The following ANKRD55 variants were observed in gnomAD, a reference collection of about 807,000 sequenced individuals.
ANKRD55 encodes ankyrin repeat domain 55, also known as ankyrin repeat domain-containing protein 55.
Under a neutral mutation model 60.6 loss-of-function variants are expected in ANKRD55, and 41 were observed. The observed-to-expected ratio is 0.68, with a 90% CI of 0.53 to 0.88. The LOEUF is 0.88. Among genes scored for constraint, ANKRD55 ranks in the 40% least tolerant of loss-of-function variants. The pLI, the probability that ANKRD55 is intolerant of heterozygous loss-of-function variation, is 0.00. For missense variants in ANKRD55, 732 were observed against 767.6 expected, an observed-to-expected ratio of 0.95 and a Z score of 0.55; for synonymous variants, 264 against 290.3, an observed-to-expected ratio of 0.91 and a Z score of 0.92.
chr5:56,126,941 C>A lies in ANKRD55; in HGVS notation c.778G>T (p.Ala260Ser). 1 of 1,610,986 alleles carries A rather than the reference C, an allele frequency of 6.2e-7. No homozygotes were observed. Among genetic ancestry groups the A allele is most frequent in the Non-Finnish European group, 8.5e-7 (1 of 1,178,096 alleles). ...GGATACCTGTCATCCACATCCAGAG[C>A]CTGCAGGTTACACTCAGGGACTCTT... ...LARVPECNLQ[A>S]LDVDDRTPLH... The change falls in exon 8 of 12, where the codon GCT becomes TCT. Residue 260 changes from alanine (A) to serine (S), a missense_variant. By Grantham distance (99) the Ala-to-Ser change is moderately conservative. Around this residue, in one of 3 missense-constraint regions of ANKRD55, gnomAD observed 597 missense variants for 607.5 expected, o/e 0.98. Coordinates refer to ENST00000341048, the MANE Select transcript of ANKRD55 (RefSeq NM_024669.3).
intron 7 of ANKRD55, among the ~76,000 whole-genome samples, chr5:56,128,032 C>T (rs542944735): frequency 4.6e-5 from 7 of 152,216 alleles, no homozygotes; most frequent in Admixed American, 4.6e-4. Context: ...GCTTTCATGC[C>T]TTTATCAACT....
rs373265842 is a variant in ANKRD55, at chr5:56,135,578, AGGCTGGTCTTGAACTCCTG to A, written c.612+8204_612+8222del. On this transcript the variant is annotated intron_variant, in intron 7 of 11. Coordinates refer to ENST00000341048, the MANE Select transcript of ANKRD55 (RefSeq NM_024669.3). ...ACAGGCAGGTTTTTGCCATTTTGCCAGGCTGGTCTTGAACTCCTGGCCTCAAGCAATCTGCCTGCATCGG... is the reference window on the plus strand; with the variant it reads ...ACAGGCAGGTTTTTGCCATTTTGCCAGCCTCAAGCAATCTGCCTGCATCGG... 7.6e-3 allele frequency among the ~76,000 whole-genome samples: 1,159 copies of A among 152,024 alleles called. 13 individuals carry two copies. The highest frequency in any genetic ancestry group is 0.026 in the African/African-American group (1,060 of 41,436).
intron 2 of ANKRD55, among the ~76,000 whole-genome samples, chr5:56,199,740 A>T (rs1435899967): frequency 6.6e-6 from 1 of 151,782 alleles, no homozygotes; most frequent in Admixed American, 6.6e-5. Flanking sequence ...AGTACAAAAA[A>T]ATTAGCTGGG....
intron 6 of ANKRD55, among the ~76,000 whole-genome samples, chr5:56,154,437 C>T (rs1454503494): frequency 6.6e-6 from 1 of 152,070 alleles, no homozygotes; most frequent in African/African-American, 2.4e-5. Context: ...TGTGTTCTTT[C>T]CATTTCAGAA....
At chr5:56,210,653 T>C (rs1759650584) in intron 2 of ANKRD55, among the ~76,000 whole-genome samples, 1 of 152,058 alleles carries the variant, frequency 6.6e-6, no homozygotes, top group Non-Finnish European at 1.5e-5. Flanking sequence ...TACCTTTCCC[T>C]GTTTGCCAAT....
chr5:56,224,195 G>C (rs1280362805), intron 2 of ANKRD55, among the ~76,000 whole-genome samples: 1 of 151,970 alleles, frequency 6.6e-6, no homozygotes, highest in Non-Finnish European at 1.5e-5. Context: ...ACTCAAAACT[G>C]CTCAACTACA....
intron 6 of ANKRD55, among the ~76,000 whole-genome samples, chr5:56,148,576 A>G (rs1028685897): frequency 6.6e-6 from 1 of 152,072 alleles, no homozygotes; most frequent in African/African-American, 2.4e-5. Flanking sequence ...TCTTGTGTTG[A>G]TGAGTAATTC....
intron 2 of ANKRD55, among the ~76,000 whole-genome samples, chr5:56,211,098 T>A (rs768440675): frequency 5.9e-5 from 9 of 152,182 alleles, no homozygotes; most frequent in Non-Finnish European, 1.2e-4. Flanking sequence ...ATAAGTCTTG[T>A]GGTAGGTCCC....
intron 11 of ANKRD55, among the ~76,000 whole-genome samples, chr5:56,101,364 G>A (rs1052475627): frequency 1.3e-5 from 2 of 151,996 alleles, no homozygotes; most frequent in Non-Finnish European, 2.9e-5. Flanking sequence ...CTCCTAAATC[G>A]TCTAACCTGC....
intron 2 of ANKRD55, among the ~76,000 whole-genome samples, chr5:56,191,711 T>C (rs1351911957): frequency 6.6e-6 from 1 of 152,154 alleles, no homozygotes; most frequent in Admixed American, 6.5e-5. Context: ...AGACATAAAG[T>C]GAAGCACAGT....
intron 7 of ANKRD55, among the ~76,000 whole-genome samples, chr5:56,141,150 T>TTA (rs60161958): frequency 6.8e-6 from 1 of 146,594 alleles, no homozygotes; most frequent in African/African-American, 2.6e-5. Context: ...TTTTTTTTTT[T>TTA]ATATAGAGAT....
chr5:56,101,867 T>C (rs1300087405), intron 11 of ANKRD55, among the ~76,000 whole-genome samples: 1 of 152,152 alleles, frequency 6.6e-6, no homozygotes, highest in African/African-American at 2.4e-5. Flanking sequence ...AGGAAACTGA[T>C]ATCAGGAGGC....
At chr5:56,202,111 A>C (rs1759394261) in intron 2 of ANKRD55, among the ~76,000 whole-genome samples, 1 of 152,196 alleles carries the variant, frequency 6.6e-6, no homozygotes, top group Non-Finnish European at 1.5e-5. Context: ...ACATGGACAC[A>C]TGGAGAGGAA....
In ANKRD55 at chr5:56,232,919, A is replaced by G. The variant is rs1760295151; in HGVS notation, c.-6T>C. On this transcript the variant is annotated 5_prime_UTR_variant, in exon 2 of 12. The change abolishes an upstream ATG in the 5' untranslated region. Transcript: ENST00000341048. ...ATGGTAGCCTGTCTCATCATTTACCATCAGAATGGCAAAAAGCATCCAGGT... is the reference window on the plus strand; with the variant it reads ...ATGGTAGCCTGTCTCATCATTTACCGTCAGAATGGCAAAAAGCATCCAGGT... 5 of 1,614,086 alleles carry G rather than the reference A, an allele frequency of 3.1e-6. No homozygotes were observed. In the South Asian group the frequency reaches 3.3e-5, roughly 11 times the overall value.
chr5:56,173,024 T>C (rs952235301), intron 4 of ANKRD55, among the ~76,000 whole-genome samples: 3 of 152,198 alleles, frequency 2.0e-5, no homozygotes, highest in African/African-American at 7.2e-5. Flanking sequence ...TTACCCACCA[T>C]GGTCACTCAC....
At chr5:56,102,077 CT>C (rs1432134610) in intron 11 of ANKRD55, among the ~76,000 whole-genome samples, 1 of 151,932 alleles carries the variant, frequency 6.6e-6, no homozygotes, top group East Asian at 1.9e-4. Context: ...GTGTTGGCAC[CT>C]GATGTTCCCT....
chr5:56,112,511 A>AAAAAAAAAAAAAACAAAAAAAAAC, intron 9 of ANKRD55, among the ~76,000 whole-genome samples: 1 of 81,526 alleles, frequency 1.2e-5, no homozygotes, highest in African/African-American at 5.4e-5. Context: ...TAGCAAAAAA[A>AAAAAAAAAAAAAACAAAAAAAAAC]AAAAAAAAAA....
intron 7 of ANKRD55, chr5:56,137,311 T>G (rs1046368667): frequency 3.6e-5 from 56 of 1,565,984 alleles, no homozygotes; most frequent in Non-Finnish European, 4.7e-5. Context: ...GTAGATTATC[T>G]GGTCATTGAG....
chr5:56,122,447 T>G (rs1757094658), intron 8 of ANKRD55, among the ~76,000 whole-genome samples: 1 of 151,606 alleles, frequency 6.6e-6, no homozygotes, highest in Non-Finnish European at 1.5e-5. Flanking sequence ...GGTCAGGAGT[T>G]CAAGACCAGT....
Sources: gnomAD v4.1 joint callset for allele counts (sites outside exome capture counted in the v4.1 genomes callset) on GRCh38, gnomAD v4.1.1 for gene constraint, gnomAD v4.1.1 regional missense constraint, MANE v1.5 for transcripts, NCBI Gene and HGNC (gene_info 2026-07-23, HGNC 2026-07-21) for gene names.